Variants in RUNX1 observed in about 807,000 individuals in gnomAD.
RUNX1 encodes the protein runt-related transcription factor 1.
Under a neutral mutation model 42.8 loss-of-function variants are expected in RUNX1, and 19 were observed. That is an observed-to-expected ratio of 0.44 (90% CI 0.31 to 0.65). The LOEUF is 0.65. Among genes scored for constraint, RUNX1 ranks in the 30% least tolerant of loss-of-function variants. RUNX1 has a pLI of 0.07. For missense variants in RUNX1, 528 were observed against 672.0 expected (o/e 0.79, Z 2.37); for synonymous variants, 271 against 289.4 (o/e 0.94, Z 0.64).
chr21:34,849,400 ATAC>A (rs2057378863), intron 6 of RUNX1, among the ~76,000 whole-genome samples: 4 of 54,678 alleles, frequency 7.3e-5, no homozygotes, highest in South Asian at 9.6e-4. Context: ...ATAATATATT[ATAC>A]TATATATAAT....
At chr21:34,880,454 G>C (rs1601515443) in intron 5 of RUNX1, 103 bp downstream of exon 5, 1 of 1,087,332 alleles carries the variant, frequency 9.2e-7, no homozygotes, top group East Asian at 2.4e-5. Flanking sequence ...TGTTAAGACA[G>C]ACCGAGTTTC....
chr21:35,049,162 G>A lies in RUNX1; in HGVS notation c.-60+6C>T, dbSNP rs2059421903. 2.1e-6 allele frequency: 1 copy of A among 482,948 alleles called. No homozygotes were observed. The highest frequency in any genetic ancestry group is 3.8e-6 in the Non-Finnish European group (1 of 266,302). 29.9% of individuals were successfully genotyped at this position (482,948 alleles called of 1,614,324 possible). A position where few individuals can be genotyped will look rare whatever the true frequency, so the allele number is the denominator to read the frequency against. Reference sequence around the variant, plus strand: ...GCCGCCTTGGCTGTGGGTTGGTGATGCTCACCACGCTGCGAAACCCTGTGG... The same window carrying A: ...GCCGCCTTGGCTGTGGGTTGGTGATACTCACCACGCTGCGAAACCCTGTGG... On this transcript the variant is annotated splice_donor_region_variant and intron_variant, in intron 1 of 8. Transcript: ENST00000675419.
At chr21:35,036,478 C>T (rs536141932) in intron 2 of RUNX1, among the ~76,000 whole-genome samples, 9 of 152,120 alleles carry the variant, frequency 5.9e-5, no homozygotes, top group Non-Finnish European at 1.2e-4. Context: ...TGCCGAACCC[C>T]TCCAGAAAGG....
At chr21:34,858,862 A>G (rs2834653) in intron 6 of RUNX1, among the ~76,000 whole-genome samples, 7 of 152,074 alleles carry the variant, frequency 4.6e-5, no homozygotes, top group South Asian at 2.1e-4. Flanking sequence ...AACCTCACTC[A>G]TTTTTTTAAA....
intron 2 of RUNX1, among the ~76,000 whole-genome samples, chr21:34,977,366 C>T (rs1231717880): frequency 6.6e-6 from 1 of 152,138 alleles, no homozygotes; most frequent in Non-Finnish European, 1.5e-5. Context: ...AAACTTACTG[C>T]TTTTACAAGC....
chr21:34,966,104 C>G lies in RUNX1; in HGVS notation c.59-73141G>C, dbSNP rs570594123. Among the ~76,000 whole-genome samples, 10 of 152,302 alleles carry G rather than the reference C, an allele frequency of 6.6e-5. No homozygotes were observed. In the South Asian group the frequency reaches 2.1e-3, roughly 32 times the overall value. ...TCTTGCATTTCTTACCCCACTTCAT[C>G]TGCACACTTCTATACATTAGATAGA... On this transcript the variant is annotated intron_variant, in intron 2 of 8. Coordinates refer to ENST00000675419, the MANE Select transcript of RUNX1 (RefSeq NM_001754.5).
At chr21:35,003,421 T>C (rs143170412) in intron 2 of RUNX1, among the ~76,000 whole-genome samples, 9 of 152,324 alleles carry the variant, frequency 5.9e-5, no homozygotes, top group African/African-American at 2.2e-4. Flanking sequence ...ACAGTACATG[T>C]AGACATGACT....
chr21:35,022,037 T>C (rs1436788178), intron 2 of RUNX1, among the ~76,000 whole-genome samples: 1 of 152,214 alleles, frequency 6.6e-6, no homozygotes, highest in Non-Finnish European at 1.5e-5. Context: ...GAAATACATG[T>C]GTTTATATTG....
intron 2 of RUNX1, among the ~76,000 whole-genome samples, chr21:34,961,587 T>C (rs986995081): frequency 1.3e-4 from 20 of 152,118 alleles, no homozygotes; most frequent in Admixed American, 6.5e-4. Flanking sequence ...TCTTTAACAA[T>C]GTATTAGCAG....
chr21:34,804,587 G>A (rs758097616), intron 7 of RUNX1, among the ~76,000 whole-genome samples: 3 of 152,160 alleles, frequency 2.0e-5, no homozygotes, highest in Non-Finnish European at 2.9e-5. Flanking sequence ...ACAGTCTGAA[G>A]AGATAAAGCA....
intron 2 of RUNX1, among the ~76,000 whole-genome samples, chr21:35,032,183 A>G (rs1294964122): frequency 1.3e-5 from 2 of 152,254 alleles, no homozygotes; most frequent in Non-Finnish European, 2.9e-5. Context: ...TCAACATTTC[A>G]CTGAAGGAGA....
At chr21:34,862,122 G>C (rs184568747) in intron 5 of RUNX1, among the ~76,000 whole-genome samples, 3 of 152,152 alleles carry the variant, frequency 2.0e-5, no homozygotes, top group African/African-American at 4.8e-5. Flanking sequence ...GTATGAGAGA[G>C]AGAGAGAGAG....
chr21:34,858,508 A>G (rs1211298044), intron 6 of RUNX1, among the ~76,000 whole-genome samples: 1 of 152,234 alleles, frequency 6.6e-6, no homozygotes, highest in African/African-American at 2.4e-5. Flanking sequence ...AGCTCACTGA[A>G]GGCTTAAGAA....
At chr21:34,861,415 C>T (rs989626199) in intron 5 of RUNX1, among the ~76,000 whole-genome samples, 17 of 152,188 alleles carry the variant, frequency 1.1e-4, no homozygotes, top group East Asian at 1.9e-4. Context: ...CAGCCACAGA[C>T]GGGGAGCAGC....
intron 2 of RUNX1, among the ~76,000 whole-genome samples, chr21:34,969,500 A>T (rs909943741): frequency 1.3e-5 from 2 of 152,206 alleles, no homozygotes; most frequent in Non-Finnish European, 2.9e-5. Context: ...AAAGAACTTT[A>T]TTGCTCAGTT....
intron 2 of RUNX1, among the ~76,000 whole-genome samples, chr21:34,965,003 C>T (rs558972647): frequency 0.02 from 3,073 of 152,256 alleles, 39 homozygotes; most frequent in Middle Eastern, 0.037. Context: ...CACTCACATA[C>T]GTGCACACAC....
chr21:34,866,272 A>C (rs923858311), intron 5 of RUNX1, among the ~76,000 whole-genome samples: 19 of 152,204 alleles, frequency 1.2e-4, no homozygotes, highest in African/African-American at 4.6e-4. Flanking sequence ...TTGTGCCCAG[A>C]GTCTTGAAAC....
At chr21:34,806,222 C>T (rs911922209) in intron 7 of RUNX1, among the ~76,000 whole-genome samples, 2 of 152,140 alleles carry the variant, frequency 1.3e-5, no homozygotes, top group Non-Finnish European at 2.9e-5. Context: ...GACCCAACTA[C>T]ATATTGTCTA....
At chr21:34,881,519 T>C (rs2057905498) in intron 4 of RUNX1, among the ~76,000 whole-genome samples, 1 of 152,224 alleles carries the variant, frequency 6.6e-6, no homozygotes, top group Non-Finnish European at 1.5e-5. Context: ...TTCACTTCTA[T>C]GCACTCCCCT....
Sources: gnomAD v4.1 joint callset for allele counts (sites outside exome capture counted in the v4.1 genomes callset) on GRCh38, gnomAD v4.1.1 for gene constraint, MANE v1.5 for transcripts, NCBI Gene and HGNC (gene_info 2026-07-23, HGNC 2026-07-21) for gene names.